C8orf34: variants seen among roughly 807,000 people sequenced by gnomAD.
The protein encoded by C8orf34 is chromosome 8 open reading frame 34, also known as uncharacterized protein C8orf34.
A neutral mutation model predicts 68.3 loss-of-function variants in C8orf34; 65 were observed. The ratio of observed to expected loss-of-function variants is 0.95; its 90% CI spans 0.78 to 1.17. The LOEUF is 1.17. Among genes scored for constraint, C8orf34 ranks in the 50% most tolerant of loss-of-function variants. The pLI is 0.00. For synonymous variants in C8orf34, 244 were observed against 241.2 expected (o/e 1.01, Z -0.11); for missense variants, 664 against 655.4 (o/e 1.01, Z -0.14).
chr8:68,557,102 G>GA (rs1816279220), intron 7 of C8orf34, among the ~76,000 whole-genome samples: 1 of 152,080 alleles, frequency 6.6e-6, no homozygotes, highest in Admixed American at 6.6e-5. Flanking sequence ...AAGAACAGCA[G>GA]AAAAAATTCT....
chr8:68,767,537 G>A (rs1190453933), intron 10 of C8orf34, among the ~76,000 whole-genome samples: 2 of 152,148 alleles, frequency 1.3e-5, no homozygotes, highest in African/African-American at 4.8e-5. Context: ...TATTCTTGGT[G>A]CAATTCAACA....
At chr8:68,569,274 C>T (rs1405787117) in intron 7 of C8orf34, among the ~76,000 whole-genome samples, 2 of 152,224 alleles carry the variant, frequency 1.3e-5, no homozygotes, top group East Asian at 1.9e-4. Flanking sequence ...GAATTCACCA[C>T]GCACGTGGTG....
intron 10 of C8orf34, among the ~76,000 whole-genome samples, chr8:68,768,557 A>G (rs1823247623): frequency 6.6e-6 from 1 of 152,174 alleles, no homozygotes; most frequent in South Asian, 2.1e-4. Flanking sequence ...CTGGTTCTCA[A>G]TGAAAAGTGA....
intron 8 of C8orf34, among the ~76,000 whole-genome samples, chr8:68,654,635 T>A (rs1819461548): frequency 6.6e-6 from 1 of 152,176 alleles, no homozygotes; most frequent in Non-Finnish European, 1.5e-5. Flanking sequence ...ATACATAGTA[T>A]TTAATCTAAT....
chr8:68,467,761 A>G (rs1173895231), intron 3 of C8orf34, among the ~76,000 whole-genome samples: 1 of 151,982 alleles, frequency 6.6e-6, no homozygotes, highest in Non-Finnish European at 1.5e-5. Context: ...CTAGTTGGGT[A>G]TACAGTTCTA....
At chr8:68,497,841 TG>T (rs1813594292) in intron 5 of C8orf34, among the ~76,000 whole-genome samples, 1 of 149,712 alleles carries the variant, frequency 6.7e-6, no homozygotes, top group Non-Finnish European at 1.5e-5. Context: ...TGGGGGGAGA[TG>T]GGGGGAATGG....
At chr8:68,575,252 A>C (rs1816868235) in intron 7 of C8orf34, among the ~76,000 whole-genome samples, 1 of 152,088 alleles carries the variant, frequency 6.6e-6, no homozygotes, top group Non-Finnish European at 1.5e-5. Flanking sequence ...TTATATTAAA[A>C]CGCCAATAAA....
intron 6 of C8orf34, among the ~76,000 whole-genome samples, chr8:68,525,215 G>A (rs994868156): frequency 1.3e-5 from 2 of 152,082 alleles, no homozygotes; most frequent in Non-Finnish European, 1.5e-5. Context: ...CAGTAAACAA[G>A]TGAATATACA....
intron 7 of C8orf34, chr8:68,625,463 A>C (rs896879197): frequency 1.8e-6 from 1 of 566,220 alleles, no homozygotes; most frequent in Non-Finnish European, 3.2e-6. Context: ...CTCTCCAAGA[A>C]AATGAAACAG....
At chr8:68,538,137 T>G (rs1261390103) in intron 7 of C8orf34, among the ~76,000 whole-genome samples, 2 of 152,198 alleles carry the variant, frequency 1.3e-5, no homozygotes, top group African/African-American at 2.4e-5. Flanking sequence ...TAAAACCTAT[T>G]TATCACTTTG....
chr8:68,811,919 C>T (rs1824663329), intron 12 of C8orf34, among the ~76,000 whole-genome samples: 1 of 152,142 alleles, frequency 6.6e-6, no homozygotes, highest in Non-Finnish European at 1.5e-5. Context: ...AAGACCAGAT[C>T]CTCCACTCCG....
At chr8:68,472,657 G>T (rs1480989173) in intron 4 of C8orf34, among the ~76,000 whole-genome samples, 1 of 152,092 alleles carries the variant, frequency 6.6e-6, no homozygotes, top group African/African-American at 2.4e-5. Flanking sequence ...CAGTAGAAAA[G>T]TAATGTTTGC....
chr8:68,718,991 A>T (rs1821553968), intron 9 of C8orf34, among the ~76,000 whole-genome samples: 1 of 152,182 alleles, frequency 6.6e-6, no homozygotes, highest in Non-Finnish European at 1.5e-5. Context: ...ATAGCTAAAA[A>T]AATTACTTAC....
rs576218236 is a variant in C8orf34 at position 68,456,104 on chromosome 8, A to C, written c.607+9644A>C. Among the ~76,000 whole-genome samples the C allele has an allele frequency of 5.8e-4, 88 of 151,278 alleles. No individual in the cohort carries two copies. The South Asian group carries it at 0.018, about 31-fold the overall frequency. ...ACTAAAAATCCAAAAAAAAAAAAAA[A>C]AATTAGCAGGGCGTGGTGGTGGGTG... On this transcript the variant is annotated intron_variant, in intron 3 of 13. Coordinates refer to ENST00000518698, the MANE Select transcript of C8orf34 (RefSeq NM_052958.4).
chr8:68,685,583 T>A (rs1365994496), intron 8 of C8orf34, among the ~76,000 whole-genome samples: 1 of 152,066 alleles, frequency 6.6e-6, no homozygotes, highest in East Asian at 1.9e-4. Flanking sequence ...GGTTTGGATG[T>A]GGTGGCTCAT....
At chr8:68,479,031 A>C (rs1046727895) in intron 4 of C8orf34, among the ~76,000 whole-genome samples, 1 of 152,220 alleles carries the variant, frequency 6.6e-6, no homozygotes, top group Non-Finnish European at 1.5e-5. Flanking sequence ...TTTTAATGCT[A>C]AACATGTCTT....
intron 10 of C8orf34, among the ~76,000 whole-genome samples, chr8:68,723,238 A>C (rs750421980): frequency 4.6e-5 from 7 of 152,102 alleles, no homozygotes; most frequent in Non-Finnish European, 1.0e-4. Flanking sequence ...GCTTAAACCT[A>C]ATCCTTTTTA....
At chr8:68,592,396 C>T (rs1168229491) in intron 7 of C8orf34, among the ~76,000 whole-genome samples, 1 of 151,826 alleles carries the variant, frequency 6.6e-6, no homozygotes, top group Non-Finnish European at 1.5e-5. Flanking sequence ...ATTGTTTGGG[C>T]TTTTATTGTG....
chr8:68,701,444 TTC>T (rs1322035043), intron 8 of C8orf34, among the ~76,000 whole-genome samples: 3 of 152,074 alleles, frequency 2.0e-5, no homozygotes, highest in African/African-American at 7.2e-5. Flanking sequence ...CCTACCAAAT[TTC>T]TCTGTTTTCC....
Sources: gnomAD v4.1 joint callset for allele counts (sites outside exome capture counted in the v4.1 genomes callset) on GRCh38, gnomAD v4.1.1 for gene constraint, MANE v1.5 for transcripts, NCBI Gene and HGNC (gene_info 2026-07-23, HGNC 2026-07-21) for gene names.